Variants in SYNE2 observed in about 807,000 individuals in gnomAD.
The protein encoded by SYNE2 is spectrin repeat containing nuclear envelope protein 2, also known as nesprin-2.
A neutral mutation model predicts 856.3 loss-of-function variants in SYNE2; 431 were observed. The ratio of observed to expected loss-of-function variants is 0.50; its 90% CI spans 0.47 to 0.55. The LOEUF (loss-of-function observed/expected upper bound fraction) is 0.55, where lower values mean the gene tolerates loss of function less well. Ranked by LOEUF, SYNE2 falls within the 20% of genes least tolerant of loss-of-function variation. SYNE2 has a pLI of 0.00. For missense variants in SYNE2, 8,129 were observed against 8,023.2 expected (o/e 1.01, Z -0.50); for synonymous variants, 2,923 against 2,872.3 (o/e 1.02, Z -0.56).
At chr14:63,779,364 A>C (rs1472906604) in intron 1 of SYNE2, among the ~76,000 whole-genome samples, 1 of 150,716 alleles carries the variant, frequency 6.6e-6, no homozygotes, top group Non-Finnish European at 1.5e-5. Context: ...AAATAAAATC[A>C]GTAATCTAAA....
chr14:64,163,711 C>A, intron 89 of SYNE2, 130 bp downstream of exon 89: 1 of 960,438 alleles, frequency 1.0e-6, no homozygotes, highest in Non-Finnish European at 1.6e-6. Context: ...AAGCTGCTCC[C>A]AAATGTATAC....
At chr14:63,934,284 T>C (rs1007663619) in intron 2 of SYNE2, among the ~76,000 whole-genome samples, 2 of 152,162 alleles carry the variant, frequency 1.3e-5, no homozygotes, top group African/African-American at 2.4e-5. Context: ...TAGTGTTTTT[T>C]CCCTTGTTTT....
At position 64,165,543 on chromosome 14, in the gene SYNE2, C is replaced by G. The variant is rs113737942; in HGVS notation, c.16605+133C>G. 25,473 of 955,996 alleles carry G rather than the reference C, an allele frequency of 0.027. 509 individuals carry two copies. The highest frequency in any genetic ancestry group is 0.046 in the Middle Eastern group (131 of 2,820). The allele number at this position is 955,996 out of a possible 1,614,324, so 59.2% of individuals were successfully genotyped here. ...ATTTTTTTTTTTTGAGACGGACTCT[C>G]GCTCTGTCACCCAGGCTGGAGTGCA... On this transcript the variant is annotated intron_variant, in intron 90 of 115. Transcript: ENST00000555002.
chr14:64,209,210 C>G (rs1807530544), intron 101 of SYNE2: 1 of 872,900 alleles, frequency 1.1e-6, no homozygotes, highest in Non-Finnish European at 1.7e-6. Context: ...GGAGGCAGCC[C>G]TGTCTCCTGG....
At chr14:64,169,062 T>C in intron 93 of SYNE2, 91 bp downstream of exon 93, 1 of 991,032 alleles carries the variant, frequency 1.0e-6, no homozygotes, top group East Asian at 2.5e-5. Context: ...ACCTTGACCA[T>C]GTTGGTGCCC....
chr14:64,096,463 G>A lies in SYNE2; in HGVS notation c.12109-1486G>A, dbSNP rs150456446. 3.5e-3 allele frequency among the ~76,000 whole-genome samples: 533 copies of A among 152,326 alleles called. 1 individual carries two copies. The highest frequency in any genetic ancestry group is 0.011 in the African/African-American group (464 of 41,578). ...GTCTGCAGATGCTGCTTTGAGAGCA[G>A]CTGCTCCATGTAGGACTGTGCCTCT... On this transcript the variant is annotated intron_variant, in intron 61 of 115. Coordinates refer to ENST00000555002, the MANE Select transcript of SYNE2 (RefSeq NM_182914.3).
chr14:63,997,198 C>T lies in SYNE2; in HGVS notation c.3152+40C>T, dbSNP rs759687055. The T allele has an allele frequency of 2.4e-5, 38 of 1,599,416 alleles. 1 individual carries two copies. The highest frequency in any genetic ancestry group is 3.3e-4 in the Middle Eastern group (2 of 6,054). On this transcript the variant is annotated intron_variant, in intron 24 of 115. Transcript: ENST00000555002. ...AGAATAGCTACCCTTCAGGATAAAACGAAGCCTTTTGCACGATCAAATGAC... is the reference window on the plus strand; with the variant it reads ...AGAATAGCTACCCTTCAGGATAAAATGAAGCCTTTTGCACGATCAAATGAC...
At chr14:63,814,173 G>A (rs1371195782) in intron 1 of SYNE2, among the ~76,000 whole-genome samples, 4 of 151,856 alleles carry the variant, frequency 2.6e-5, no homozygotes, top group African/African-American at 9.7e-5. Context: ...GGGAGGCTGA[G>A]GCAGGAGAAT....
intron 92 of SYNE2, among the ~76,000 whole-genome samples, chr14:64,168,386 A>T (rs1312939676): frequency 6.6e-6 from 1 of 152,222 alleles, no homozygotes; most frequent in African/African-American, 2.4e-5. Flanking sequence ...TACAAAGGAC[A>T]CATTTCAAAA....
intron 99 of SYNE2, among the ~76,000 whole-genome samples, chr14:64,195,278 T>G (rs2098536007): frequency 6.6e-6 from 1 of 152,218 alleles, no homozygotes; most frequent in Admixed American, 6.5e-5. Flanking sequence ...GATTGTAATT[T>G]TCTTTTTGCT....
chr14:63,998,946 A>G lies in SYNE2; in HGVS notation c.3386A>G (p.His1129Arg), dbSNP rs2096733682. The change falls in exon 27 of 116, where the codon CAC (histidine) becomes CGC (arginine). Residue 1129 changes from histidine to arginine, a missense_variant. By Grantham distance (29) the His-to-Arg change is conservative. This residue lies in a region of SYNE2 where 2,422 missense variants were observed against 2,357.4 expected (regional missense o/e 1.03). Coordinates refer to ENST00000555002, the MANE Select transcript of SYNE2 (RefSeq NM_182914.3). ...ACATACAGAGATATTCTTGAACACC[A>G]CCTGCAAAACAACAAATTCAGGATT... The part of the protein sequence containing the change: ...YDTYRDILEH[H>R]LQNNKFRITS... The G allele has an allele frequency of 1.2e-6, 2 of 1,613,996 alleles. No individual in the cohort carries two copies. Among genetic ancestry groups the G allele is most frequent in the African/African-American group, 1.3e-5 (1 of 74,938 alleles).
chr14:63,858,262 C>CTTTTT (rs61091259), intron 1 of SYNE2, among the ~76,000 whole-genome samples: 5 of 52,932 alleles, frequency 9.4e-5, no homozygotes, highest in African/African-American at 1.7e-4. Flanking sequence ...CCACACCGGC[C>CTTTTT]TTTTTTTTTT....
chr14:64,017,511 A>C (rs1452820763), intron 33 of SYNE2, 84 bp from the exon 34 acceptor site: 14 of 1,211,950 alleles, frequency 1.2e-5, no homozygotes, highest in Non-Finnish European at 1.7e-5. Flanking sequence ...CTAAAATTTT[A>C]TTTTAAAACA....
rs544096674 is a variant in SYNE2, at chr14:63,830,277, T to C, written c.-304-22224T>C. Among the ~76,000 whole-genome samples, 174 of 151,924 alleles carry C rather than the reference T, an allele frequency of 1.1e-3. 4 individuals carry two copies. The South Asian group carries it at 0.021, about 19-fold the overall frequency. ...AAACAGTGTGAGGTTTTTTTTTTTT[T>C]TGAGGGTAACAAAATATTCTAAAAT... On this transcript the variant is annotated intron_variant, in intron 1 of 23. Transcript: ENST00000674003.
chr14:63,769,920 C>G (rs1040934745), intron 1 of SYNE2, among the ~76,000 whole-genome samples: 1 of 150,746 alleles, frequency 6.6e-6, no homozygotes, highest in African/African-American at 2.4e-5. Flanking sequence ...CTAGGGGCAA[C>G]ATATATATAT....
chr14:64,031,760 G>T (rs1354279862), intron 45 of SYNE2, among the ~76,000 whole-genome samples: 1 of 152,162 alleles, frequency 6.6e-6, no homozygotes, highest in Non-Finnish European at 1.5e-5. Context: ...TGTCGGAAAG[G>T]ATAGTTTCTT....
intron 1 of SYNE2, among the ~76,000 whole-genome samples, chr14:63,838,133 G>T (rs1004359438): frequency 1.3e-5 from 2 of 152,100 alleles, no homozygotes; most frequent in African/African-American, 4.8e-5. Context: ...GCTTTGGGAG[G>T]CCAAGGCGGG....
intron 2 of SYNE2, among the ~76,000 whole-genome samples, chr14:63,914,491 G>A (rs1357632874): frequency 6.6e-6 from 1 of 152,178 alleles, no homozygotes; most frequent in Non-Finnish European, 1.5e-5. Context: ...GATTAATCTG[G>A]CTTTGAGGTA....
intron 1 of SYNE2, among the ~76,000 whole-genome samples, chr14:63,905,286 A>G (rs1023569443): frequency 1.3e-5 from 2 of 151,946 alleles, no homozygotes; most frequent in Non-Finnish European, 2.9e-5. Flanking sequence ...TGCTTTGACT[A>G]TTTGGGCTCT....
Sources: allele counts gnomAD v4.1 joint callset (sites outside exome capture counted in the v4.1 genomes callset), GRCh38; gene constraint gnomAD v4.1.1; regional missense constraint gnomAD v4.1.1; transcripts MANE v1.5; gene names NCBI Gene and HGNC (gene_info 2026-07-23, HGNC 2026-07-21).